The following TMEM132C variants were observed in gnomAD, a reference collection of about 807,000 sequenced individuals.
TMEM132C encodes protein phosphatase 1, regulatory subunit 152.
TMEM132C carries 29 observed loss-of-function variants against 61.4 expected under a neutral mutation model. The observed-to-expected ratio is 0.47, with a 90% confidence interval of 0.35 to 0.64. The LOEUF is 0.64. Ranked by LOEUF, TMEM132C falls within the 30% of genes least tolerant of loss-of-function variation. TMEM132C has a pLI of 0.00. For synonymous variants in TMEM132C, 656 were observed against 633.1 expected (o/e 1.04, Z -0.54); for missense variants, 1,408 against 1,476.9 (o/e 0.95, Z 0.76).
At chr12:128,494,684 G>A (rs1419206814) in intron 2 of TMEM132C, among the ~76,000 whole-genome samples, 6 of 152,018 alleles carry the variant, frequency 3.9e-5, no homozygotes, top group Admixed American at 2.0e-4. Flanking sequence ...CTGTGGGATC[G>A]GTGGTGATAT....
chr12:128,432,163 G>A (rs1430936015), intron 2 of TMEM132C, among the ~76,000 whole-genome samples: 1 of 152,198 alleles, frequency 6.6e-6, no homozygotes, highest in Non-Finnish European at 1.5e-5. Context: ...GAGTTCTGAT[G>A]GATATGTGCA....
intron 1 of TMEM132C, among the ~76,000 whole-genome samples, chr12:128,385,638 T>C (rs550710631): frequency 6.6e-6 from 1 of 152,342 alleles, no homozygotes; most frequent in Non-Finnish European, 1.5e-5. Context: ...AGATCCATTT[T>C]AGCATCCTTT....
At chr12:128,458,235 GT>G (rs1427917109) in intron 2 of TMEM132C, among the ~76,000 whole-genome samples, 1 of 145,716 alleles carries the variant, frequency 6.9e-6, no homozygotes, top group Non-Finnish European at 1.5e-5. Context: ...CATGGAGTGA[GT>G]ATTATAATAT....
chr12:128,512,450 T>C (rs941971653), intron 2 of TMEM132C, among the ~76,000 whole-genome samples: 1 of 152,216 alleles, frequency 6.6e-6, no homozygotes, highest in Non-Finnish European at 1.5e-5. Context: ...TCTCTCAGCT[T>C]TTTCATTGCC....
chr12:128,339,280 T>A (rs1262381651), intron 1 of TMEM132C, among the ~76,000 whole-genome samples: 2 of 151,808 alleles, frequency 1.3e-5, no homozygotes, highest in African/African-American at 4.8e-5. Flanking sequence ...CTTTTTTTTT[T>A]AAGTTCATCT....
rs149384076 is a variant in TMEM132C, at chr12:128,671,378, C to T, written c.1449+1818C>T. Among the ~76,000 whole-genome samples, 24 of 152,176 alleles carry T rather than the reference C, an allele frequency of 1.6e-4. 1 individual carries two copies. The East Asian group carries it at 4.2e-3, about 27-fold the overall frequency. ...CACAATGCTTGCTTAAAGAATAAGG[C>T]GATGTGAGGGCTTTACCAAGCCAGA... On this transcript the variant is annotated intron_variant, in intron 5 of 8. Transcript: ENST00000435159.
chr12:128,333,057 T>A (rs768756853), intron 1 of TMEM132C, among the ~76,000 whole-genome samples: 1 of 152,034 alleles, frequency 6.6e-6, no homozygotes, highest in Non-Finnish European at 1.5e-5. Flanking sequence ...GTGTGAGTAT[T>A]GTGTGTATAT....
intron 1 of TMEM132C, among the ~76,000 whole-genome samples, chr12:128,322,339 C>T (rs1401589997): frequency 6.6e-6 from 1 of 152,218 alleles, no homozygotes; most frequent in Non-Finnish European, 1.5e-5. Context: ...TTTGAACCGC[C>T]TTGAGTAATA....
intron 7 of TMEM132C, among the ~76,000 whole-genome samples, chr12:128,696,915 C>A (rs572789778): frequency 3.3e-5 from 5 of 152,170 alleles, no homozygotes; most frequent in Non-Finnish European, 5.9e-5. Context: ...GTACAGTTAA[C>A]CAGGTCGTGC....
At chr12:128,478,264 T>G (rs1871215541) in intron 2 of TMEM132C, among the ~76,000 whole-genome samples, 1 of 152,244 alleles carries the variant, frequency 6.6e-6, no homozygotes, top group African/African-American at 2.4e-5. Context: ...CATCAGCTGT[T>G]TATTGAAAAA....
intron 4 of TMEM132C, among the ~76,000 whole-genome samples, chr12:128,634,329 C>T (rs565730885): frequency 1.3e-5 from 2 of 152,354 alleles, no homozygotes; most frequent in South Asian, 4.1e-4. Flanking sequence ...CCTGTCTCAG[C>T]CTCCCAAAGT....
At chr12:128,688,969 TTTTTTG>T (rs201790656) in intron 5 of TMEM132C, among the ~76,000 whole-genome samples, 1 of 151,608 alleles carries the variant, frequency 6.6e-6, no homozygotes, top group Non-Finnish European at 1.5e-5. Flanking sequence ...AGTTGTTGTT[TTTTTTG>T]TTTTTGTTTT....
intron 3 of TMEM132C, among the ~76,000 whole-genome samples, chr12:128,607,606 G>A (rs1876473385): frequency 6.6e-6 from 1 of 152,158 alleles, no homozygotes; most frequent in African/African-American, 2.4e-5. Flanking sequence ...ATGTTTTCAA[G>A]ATAATCCTGT....
chr12:128,686,768 T>C (rs1416995437), intron 5 of TMEM132C, among the ~76,000 whole-genome samples: 1 of 152,156 alleles, frequency 6.6e-6, no homozygotes, highest in African/African-American at 2.4e-5. Context: ...TCCGCCATCC[T>C]AGAGTTTAGG....
chr12:128,510,066 C>T (rs1244313537), intron 2 of TMEM132C, among the ~76,000 whole-genome samples: 2 of 152,114 alleles, frequency 1.3e-5, no homozygotes, highest in Non-Finnish European at 2.9e-5. Flanking sequence ...AACCAACACT[C>T]CTGAGGCTGG....
rs144875522 is a variant in TMEM132C at position 128,454,906 on chromosome 12, G to T, written c.974+39286G>T. ...GGAGCCTGCAGTCTCTCTGAAGAAGGCAGTTGATCCTGTCCCCTGTTAAAA... is the reference window on the plus strand; with the variant it reads ...GGAGCCTGCAGTCTCTCTGAAGAAGTCAGTTGATCCTGTCCCCTGTTAAAA... On this transcript the variant is annotated intron_variant, in intron 2 of 8. Transcript: ENST00000435159. 2.5e-3 allele frequency among the ~76,000 whole-genome samples: 387 copies of T among 152,356 alleles called. 4 individuals carry two copies. The highest frequency in any genetic ancestry group is 0.01 in the Middle Eastern group (3 of 294).
In TMEM132C at chr12:128,597,682, G is replaced by A. The variant is rs183091657; in HGVS notation, c.1122-18470G>A. On this transcript the variant is annotated intron_variant, in intron 3 of 8. Coordinates refer to ENST00000435159, the MANE Select transcript of TMEM132C (RefSeq NM_001136103.3). Reference sequence around the variant, plus strand: ...TGGCCAACACAGTTTCTCATCTAGAGGTGCTTACATCTTACCAGAGAAGAT... The same window carrying A: ...TGGCCAACACAGTTTCTCATCTAGAAGTGCTTACATCTTACCAGAGAAGAT... Among the ~76,000 whole-genome samples, 22 of 152,294 alleles carry A rather than the reference G, an allele frequency of 1.4e-4. No individual in the cohort carries two copies. The East Asian group carries it at 2.9e-3, about 20-fold the overall frequency.
At chr12:128,476,896 A>G (rs1871171461) in intron 2 of TMEM132C, among the ~76,000 whole-genome samples, 1 of 152,250 alleles carries the variant, frequency 6.6e-6, no homozygotes, top group Non-Finnish European at 1.5e-5. Flanking sequence ...GTTCTGTAGG[A>G]AAGTCTCAAT....
chr12:128,489,098 C>T (rs987188212), intron 2 of TMEM132C, among the ~76,000 whole-genome samples: 37 of 152,084 alleles, frequency 2.4e-4, no homozygotes, highest in Admixed American at 2.2e-3. Flanking sequence ...GACTGGTCCC[C>T]GGGCAGTGGG....
Sources: gnomAD v4.1 joint callset for allele counts (sites outside exome capture counted in the v4.1 genomes callset) on GRCh38, gnomAD v4.1.1 for gene constraint, MANE v1.5 for transcripts, NCBI Gene and HGNC (gene_info 2026-07-23, HGNC 2026-07-21) for gene names.